Variants in RYK observed in about 807,000 individuals in gnomAD.
RYK encodes inactive tyrosine-protein kinase RYK.
In RYK, 21 loss-of-function variants were observed where a neutral mutation model predicts 70.2. The ratio of observed to expected loss-of-function variants is 0.30; its 90% CI spans 0.21 to 0.43. The LOEUF is 0.43. Among genes scored for constraint, RYK ranks in the 20% least tolerant of loss-of-function variants. RYK has a pLI of 1.00. For synonymous variants in RYK, 267 were observed against 278.0 expected, an observed-to-expected ratio of 0.96 and a Z score of 0.39; for missense variants, 604 against 753.3, an observed-to-expected ratio of 0.80 and a Z score of 2.32.
chr3:134,237,020 T>A (rs940554461), intron 1 of RYK, among the ~76,000 whole-genome samples: 7 of 152,154 alleles, frequency 4.6e-5, no homozygotes, highest in Non-Finnish European at 1.0e-4. Flanking sequence ...GCATGGCATT[T>A]TTTCAAAATT....
Position 134,188,859 on chromosome 3 carries a change from T to G in RYK, c.1080A>C (p.Gln360His). The change falls in exon 9 of 15, where the codon CAA (glutamine) becomes CAC (histidine). Residue 360 changes from glutamine (Q) to histidine (H), a missense_variant. This residue lies in a region of RYK where 466 missense variants were observed against 535.9 expected (regional missense o/e 0.87). Coordinates refer to ENST00000623711, the MANE Select transcript of RYK (RefSeq NM_002958.4). ...IDEKDPNKEK[Q>H]AFVKTVKDQA... ...TACCTTTAACTGTTTTGACAAATGC[T>G]TGTTTTTCTTTATTTGGATCTTTTT... 2.5e-6 allele frequency: 4 copies of G among 1,576,418 alleles called. No individual in the cohort carries two copies. Among genetic ancestry groups the G allele is most frequent in the Non-Finnish European group, 3.5e-6 (4 of 1,150,576 alleles).
At chr3:134,236,501 C>T (rs111236430) in intron 1 of RYK, among the ~76,000 whole-genome samples, 1 of 152,112 alleles carries the variant, frequency 6.6e-6, no homozygotes, top group African/African-American at 2.4e-5. Flanking sequence ...ACAATACTAC[C>T]CAAGTGAGCT....
At chr3:134,171,812 A>G (rs2012921438) in intron 13 of RYK, among the ~76,000 whole-genome samples, 1 of 151,960 alleles carries the variant, frequency 6.6e-6, no homozygotes, top group Admixed American at 6.6e-5. Context: ...GGCTACACTG[A>G]GCTATGACTG....
In RYK at chr3:134,250,600, G is replaced by C. The variant is rs1390488964; in HGVS notation, c.55C>G (p.Arg19Gly). 8.5e-6 allele frequency: 9 copies of C among 1,053,848 alleles called. No individual in the cohort carries two copies. Among genetic ancestry groups the C allele is most frequent in the Admixed American group, 1.1e-4 (2 of 18,588 alleles). 65.3% of individuals were successfully genotyped at this position (1,053,848 alleles called of 1,614,324 possible). A position where few individuals can be genotyped will look rare whatever the true frequency, so the allele number is the denominator to read the frequency against. ...GGCGGCGGCGGGGCCCTCAGGCCGC[G>C]GGCCCCCGGGAGGCAACTCCGGCCC... ...RPGRSCLPGARGLRAPPPPPL... is the reference protein window; with the variant it reads ...RPGRSCLPGAGGLRAPPPPPL... Residue 19 changes from arginine (R) to glycine (G), a missense_variant, in exon 1 of 15, where the codon CGC (arginine) becomes GGC (glycine). Physicochemically the swap from Arg to Gly is moderately radical, Grantham distance 125. Transcript: ENST00000623711.
At chr3:134,187,658 A>AATCCTCCTGCCTC (rs2013506160) in intron 9 of RYK, among the ~76,000 whole-genome samples, 1 of 152,016 alleles carries the variant, frequency 6.6e-6, no homozygotes, top group Admixed American at 6.6e-5. Context: ...GGGCTCAAGC[A>AATCCTCCTGCCTC]ATCCTCCTGC....
At chr3:134,168,797 A>C (rs981067678) in intron 13 of RYK, among the ~76,000 whole-genome samples, 9 of 152,008 alleles carry the variant, frequency 5.9e-5, no homozygotes, top group Non-Finnish European at 1.2e-4. Context: ...TAATAAGAAG[A>C]AGCATCCTCC....
chr3:134,203,142 G>C (rs989925442), intron 5 of RYK, among the ~76,000 whole-genome samples: 1 of 152,164 alleles, frequency 6.6e-6, no homozygotes, highest in Non-Finnish European at 1.5e-5. Context: ...GAGGTCAGGA[G>C]TTTGAGACCA....
At chr3:134,175,574 C>T (rs2013068933) in intron 13 of RYK, 35 bp downstream of exon 13, 1 of 1,589,346 alleles carries the variant, frequency 6.3e-7, no homozygotes, top group Non-Finnish European at 8.6e-7. Flanking sequence ...AGCTGTTTCT[C>T]TATTCTTTTG....
chr3:134,166,552 G>A (rs771380902), intron 13 of RYK, among the ~76,000 whole-genome samples: 22 of 152,178 alleles, frequency 1.4e-4, no homozygotes, highest in Non-Finnish European at 3.2e-4. Context: ...CTGTGATTAG[G>A]AAAGACAGAG....
intron 6 of RYK, among the ~76,000 whole-genome samples, chr3:134,201,699 CAA>C (rs1228437135): frequency 6.6e-6 from 1 of 152,084 alleles, no homozygotes; most frequent in African/African-American, 2.4e-5. Context: ...TCCTGAAGGG[CAA>C]AGTGTGGGGC....
At position 134,195,063 on chromosome 3, in the gene RYK, G is replaced by T. The variant is rs746976904; in HGVS notation, c.889+19C>A. ...AGACAACTTGAGTAAACTGGCTTTA[G>T]AATTAAATTAACTCTTACTGGTGAT... On this transcript the variant is annotated intron_variant, in intron 7 of 14. Coordinates refer to ENST00000623711, the MANE Select transcript of RYK (RefSeq NM_002958.4). 1.3e-6 allele frequency: 2 copies of T among 1,557,742 alleles called. No individual in the cohort carries two copies. The highest frequency in any genetic ancestry group is 1.1e-5 in the South Asian group (1 of 89,812).
intron 4 of RYK, among the ~76,000 whole-genome samples, chr3:134,209,240 GA>G (rs1401771675): frequency 6.6e-6 from 1 of 152,148 alleles, no homozygotes; most frequent in Non-Finnish European, 1.5e-5. Context: ...TTTTACAGAT[GA>G]AAAAACTAAG....
intron 6 of RYK, among the ~76,000 whole-genome samples, chr3:134,199,312 CATGGG>C (rs1386431340): frequency 7.2e-5 from 11 of 152,364 alleles, no homozygotes; most frequent in Admixed American, 6.5e-4. Flanking sequence ...TCCACGGAGC[CATGGG>C]CTCCATCTAA....
At chr3:134,248,139 G>A (rs1448287441) in intron 1 of RYK, among the ~76,000 whole-genome samples, 4 of 152,178 alleles carry the variant, frequency 2.6e-5, no homozygotes, top group African/African-American at 7.2e-5. Context: ...TGGAAACAAC[G>A]AACCTGAATC....
Position 134,250,582 on chromosome 3 carries a change from GC to G in RYK, c.72del (p.Pro25ArgfsTer40). 1 of 1,076,222 alleles carries G rather than the reference GC, an allele frequency of 9.3e-7. No homozygotes were observed. The highest frequency in any genetic ancestry group is 1.1e-6 in the Non-Finnish European group (1 of 871,622). The allele number at this position is 1,076,222 out of a possible 1,614,324, so 66.7% of individuals were successfully genotyped here. On this transcript the variant is annotated frameshift_variant, in exon 1 of 15. Transcript: ENST00000623711. LOFTEE classifies it high-confidence loss of function. ...CLPGARGLRA[P>X]PPPPLLLLLA... Reference sequence around the variant, plus strand: ...AGCAGAAGCAGCAGCGGCGGCGGCGGCGGGGCCCTCAGGCCGCGGGCCCCCG... The same window carrying G: ...AGCAGAAGCAGCAGCGGCGGCGGCGGGGGGCCCTCAGGCCGCGGGCCCCCG...
At chr3:134,220,267 T>C (rs2014695656) in intron 2 of RYK, among the ~76,000 whole-genome samples, 1 of 152,180 alleles carries the variant, frequency 6.6e-6, no homozygotes, top group African/African-American at 2.4e-5. Context: ...AGTAAAAAAT[T>C]AGCTATGAAG....
rs1426242208 is a variant in RYK, at chr3:134,250,701, C to A, written c.-47G>T. On this transcript the variant is annotated 5_prime_UTR_variant, in exon 1 of 15. Coordinates refer to ENST00000623711, the MANE Select transcript of RYK (RefSeq NM_002958.4). ...AGAGGAGCGTCGGCCGCCCGCCGCACCGCCGCCCACCCCCGGCCCCGAGCC... is the reference window on the plus strand; with the variant it reads ...AGAGGAGCGTCGGCCGCCCGCCGCAACGCCGCCCACCCCCGGCCCCGAGCC... The A allele has an allele frequency of 1.1e-6, 1 of 913,462 alleles. No individual in the cohort carries two copies. The highest frequency in any genetic ancestry group is 1.8e-5 in the African/African-American group (1 of 55,330). The allele number at this position is 913,462 out of a possible 1,614,324, so 56.6% of individuals were successfully genotyped here.
At chr3:134,173,725 G>A (rs775470983) in intron 13 of RYK, among the ~76,000 whole-genome samples, 30 of 151,946 alleles carry the variant, frequency 2.0e-4, no homozygotes, top group Non-Finnish European at 3.4e-4. Context: ...TTTTGGGTGG[G>A]GACATAGCCA....
intron 13 of RYK, among the ~76,000 whole-genome samples, chr3:134,170,203 T>C (rs998773242): frequency 6.6e-6 from 1 of 152,186 alleles, no homozygotes; most frequent in Non-Finnish European, 1.5e-5. Context: ...AACAAATTTA[T>C]AATAAGCTAC....
Sources: gnomAD v4.1 joint callset for allele counts (sites outside exome capture counted in the v4.1 genomes callset) on GRCh38, gnomAD v4.1.1 for gene constraint, gnomAD v4.1.1 regional missense constraint, MANE v1.5 for transcripts, NCBI Gene and HGNC (gene_info 2026-07-23, HGNC 2026-07-21) for gene names.